The following NEGR1 variants were observed in gnomAD, a reference collection of about 807,000 sequenced individuals.
The protein encoded by NEGR1 is IgLON family member 4.
NEGR1 carries 10 observed loss-of-function variants against 40.9 expected under a neutral mutation model. The ratio of observed to expected loss-of-function variants is 0.24; its 90% CI spans 0.15 to 0.42. The LOEUF is 0.42. Among genes scored for constraint, NEGR1 ranks in the 10% least tolerant of loss-of-function variants. The probability of loss-of-function intolerance (pLI) is 1.00; values close to 1 mark genes in which losing one functional copy is unlikely to be tolerated. For synonymous variants in NEGR1, 185 were observed against 166.8 expected (o/e 1.11, Z -0.84); for missense variants, 352 against 438.9 (o/e 0.80, Z 1.77).
At chr1:71,947,692 G>C (rs1329745667) in intron 1 of NEGR1, among the ~76,000 whole-genome samples, 1 of 151,956 alleles carries the variant, frequency 6.6e-6, no homozygotes, top group Non-Finnish European at 1.5e-5. Context: ...TGTTCAACAG[G>C]TTTTGTGAAA....
intron 2 of NEGR1, among the ~76,000 whole-genome samples, chr1:71,824,702 C>G (rs565258545): frequency 1.6e-4 from 24 of 151,892 alleles, no homozygotes; most frequent in Non-Finnish European, 2.7e-4. Context: ...ATAGAAGAAG[C>G]AAGAACTTCT....
chr1:71,411,739 C>A (rs1646322666), intron 6 of NEGR1, among the ~76,000 whole-genome samples: 1 of 152,114 alleles, frequency 6.6e-6, no homozygotes, highest in Admixed American at 6.5e-5. Context: ...GTGGTTCATG[C>A]CTGTACTCCC....
chr1:71,651,764 G>A lies in NEGR1; in HGVS notation c.668-40618C>T, dbSNP rs1651725442. ...ATTAATAATAACAACAACAGCAGCA[G>A]CATAAGCAGCAGCTAATATCAACTA... On this transcript the variant is annotated intron_variant, in intron 4 of 6. Coordinates refer to ENST00000357731, the MANE Select transcript of NEGR1 (RefSeq NM_173808.3). Among the ~76,000 whole-genome samples, 7 of 152,154 alleles carry A rather than the reference G, an allele frequency of 4.6e-5. 1 individual carries two copies. The South Asian group carries it at 1.4e-3, about 32-fold the overall frequency.
chr1:72,081,149 A>T (rs189295516), intron 1 of NEGR1, among the ~76,000 whole-genome samples: 18 of 152,228 alleles, frequency 1.2e-4, no homozygotes, highest in Admixed American at 2.6e-4. Context: ...ACTTGGGCTC[A>T]ATTTAGGAGA....
chr1:72,076,178 T>C (rs755189739), intron 1 of NEGR1, among the ~76,000 whole-genome samples: 6 of 152,164 alleles, frequency 3.9e-5, no homozygotes, highest in African/African-American at 9.7e-5. Context: ...CAAATTCATA[T>C]GTTGGAATCT....
chr1:72,263,489 C>G (rs962885904), intron 1 of NEGR1, among the ~76,000 whole-genome samples: 3 of 151,668 alleles, frequency 2.0e-5, no homozygotes, highest in Admixed American at 2.0e-4. Flanking sequence ...TCAAAGAGCT[C>G]TATTTCGTCA....
At chr1:71,778,869 A>C (rs1656604172) in intron 2 of NEGR1, among the ~76,000 whole-genome samples, 1 of 152,236 alleles carries the variant, frequency 6.6e-6, no homozygotes. Context: ...CTAAACTAAT[A>C]TTCAGCACTA....
At chr1:71,642,683 T>A (rs1651394659) in intron 4 of NEGR1, among the ~76,000 whole-genome samples, 2 of 152,064 alleles carry the variant, frequency 1.3e-5, no homozygotes, top group African/African-American at 4.8e-5. Context: ...TTGTTTAATC[T>A]GCTTTTTCAT....
At chr1:72,225,514 T>G (rs945584940) in intron 1 of NEGR1, among the ~76,000 whole-genome samples, 3 of 151,662 alleles carry the variant, frequency 2.0e-5, no homozygotes, top group African/African-American at 7.2e-5. Context: ...ATTGACTTTA[T>G]AAATACTTAC....
chr1:72,265,685 T>C (rs974483982), intron 1 of NEGR1, among the ~76,000 whole-genome samples: 7 of 151,152 alleles, frequency 4.6e-5, no homozygotes, highest in African/African-American at 1.7e-4. Context: ...CTATTAAGCA[T>C]ACCTGCTAAG....
intron 2 of NEGR1, among the ~76,000 whole-genome samples, chr1:71,907,041 G>A (rs577635475): frequency 6.6e-6 from 1 of 152,108 alleles, no homozygotes; most frequent in Admixed American, 6.6e-5. Flanking sequence ...TTTTGTCTTA[G>A]CTCTGCTACA....
intron 1 of NEGR1, among the ~76,000 whole-genome samples, chr1:72,072,750 C>T (rs2100513021): frequency 6.6e-6 from 1 of 152,056 alleles, no homozygotes; most frequent in East Asian, 1.9e-4. Flanking sequence ...ACTCCCTGTC[C>T]TTCGGTTTAT....
intron 2 of NEGR1, among the ~76,000 whole-genome samples, chr1:71,836,330 T>C (rs940409812): frequency 1.3e-5 from 2 of 151,134 alleles, no homozygotes; most frequent in Admixed American, 6.6e-5. Context: ...CGGGTGCCTG[T>C]AGACAGAATT....
chr1:71,793,737 G>C (rs1407250435), intron 2 of NEGR1, among the ~76,000 whole-genome samples: 1 of 151,828 alleles, frequency 6.6e-6, no homozygotes, highest in African/African-American at 2.4e-5. Context: ...CTTATGTTAG[G>C]AATGAGGAAA....
chr1:71,844,444 A>T (rs1195071088), intron 2 of NEGR1, among the ~76,000 whole-genome samples: 2 of 152,160 alleles, frequency 1.3e-5, no homozygotes, highest in Non-Finnish European at 2.9e-5. Context: ...ATAACATTTG[A>T]TTTGCCACAG....
intron 2 of NEGR1, among the ~76,000 whole-genome samples, chr1:71,875,203 T>C (rs1210475906): frequency 6.6e-6 from 1 of 152,172 alleles, no homozygotes; most frequent in Non-Finnish European, 1.5e-5. Flanking sequence ...CAAATATAAA[T>C]AAAATGATAC....
At chr1:71,979,307 G>A (rs750179986) in intron 1 of NEGR1, among the ~76,000 whole-genome samples, 3 of 152,136 alleles carry the variant, frequency 2.0e-5, no homozygotes, top group Middle Eastern at 3.4e-3. Context: ...GAACCCCCAC[G>A]GCATGAGTTT....
chr1:71,928,657 A>C (rs890981164), intron 2 of NEGR1, among the ~76,000 whole-genome samples: 20 of 151,570 alleles, frequency 1.3e-4, no homozygotes, highest in African/African-American at 4.8e-4. Flanking sequence ...CATATCTTCC[A>C]AAATGCTAAT....
chr1:72,257,045 G>A (rs1257356857), intron 1 of NEGR1, among the ~76,000 whole-genome samples: 1 of 152,130 alleles, frequency 6.6e-6, no homozygotes, highest in African/African-American at 2.4e-5. Flanking sequence ...CACATAGGCC[G>A]GGCGCGGTGG....
Sources: gnomAD v4.1 joint callset for allele counts (sites outside exome capture counted in the v4.1 genomes callset) on GRCh38, gnomAD v4.1.1 for gene constraint, MANE v1.5 for transcripts, NCBI Gene and HGNC (gene_info 2026-07-23, HGNC 2026-07-21) for gene names.